Variants in BACH2 observed in about 807,000 individuals in gnomAD.
The protein encoded by BACH2 is BACH transcriptional regulator 2, also known as transcription regulator protein BACH2.
BACH2 carries 5 observed loss-of-function variants against 61.8 expected under a neutral mutation model. That is an observed-to-expected ratio of 0.08 (90% confidence interval 0.04 to 0.17). BACH2 has a LOEUF of 0.17. Among genes scored for constraint, BACH2 ranks in the 10% least tolerant of loss-of-function variants. The pLI, the probability that BACH2 is intolerant of heterozygous loss-of-function variation, is 1.00. For missense variants in BACH2, 824 were observed against 1,091.1 expected (o/e 0.76, Z 3.45); for synonymous variants, 446 against 440.1 (o/e 1.01, Z -0.17).
At chr6:90,282,503 G>T (rs1771888737) in intron 1 of BACH2, among the ~76,000 whole-genome samples, 1 of 152,052 alleles carries the variant, frequency 6.6e-6, no homozygotes, top group Non-Finnish European at 1.5e-5. Context: ...TTTTATGGCT[G>T]CATAGTATTC....
intron 3 of BACH2, among the ~76,000 whole-genome samples, chr6:90,230,835 C>G (rs1337523481): frequency 1.3e-5 from 2 of 152,160 alleles, no homozygotes; most frequent in African/African-American, 2.4e-5. Context: ...CTCAAGATCA[C>G]AGTGTGAGTG....
At chr6:89,942,297 T>C (rs1773481635) in intron 7 of BACH2, among the ~76,000 whole-genome samples, 1 of 152,166 alleles carries the variant, frequency 6.6e-6, no homozygotes, top group Non-Finnish European at 1.5e-5. Context: ...CACTGACTGT[T>C]TGGTCCCGTG....
chr6:90,036,261 T>C (rs963089577), intron 5 of BACH2, among the ~76,000 whole-genome samples: 1 of 151,598 alleles, frequency 6.6e-6, no homozygotes, highest in Admixed American at 6.6e-5. Flanking sequence ...ACCTACTTCC[T>C]TTTATTCCCA....
At chr6:90,028,760 G>A (rs1030116796) in intron 5 of BACH2, among the ~76,000 whole-genome samples, 1 of 151,960 alleles carries the variant, frequency 6.6e-6, no homozygotes, top group African/African-American at 2.4e-5. Context: ...AGTGGTTGTG[G>A]ATGGAGGCTC....
chr6:90,097,647 C>T (rs535850663), intron 4 of BACH2, among the ~76,000 whole-genome samples: 24 of 152,320 alleles, frequency 1.6e-4, no homozygotes, highest in Admixed American at 2.6e-4. Context: ...AGCCGATATA[C>T]TTTTTAAAAA....
At chr6:90,158,611 T>C (rs1473665923) in intron 4 of BACH2, among the ~76,000 whole-genome samples, 1 of 151,870 alleles carries the variant, frequency 6.6e-6, no homozygotes, top group Non-Finnish European at 1.5e-5. Flanking sequence ...CTTCATGATG[T>C]GTAGTAAGTA....
intron 5 of BACH2, among the ~76,000 whole-genome samples, chr6:90,045,583 A>T (rs1309017841): frequency 6.6e-6 from 1 of 152,208 alleles, no homozygotes; most frequent in East Asian, 1.9e-4. Context: ...GTCCGAGATA[A>T]GTTGCATTGA....
chr6:90,069,429 C>G (rs770213493), intron 5 of BACH2, among the ~76,000 whole-genome samples: 3 of 152,128 alleles, frequency 2.0e-5, no homozygotes, highest in African/African-American at 4.8e-5. Context: ...TTTAAAGGCA[C>G]GTATTTAGCA....
intron 4 of BACH2, among the ~76,000 whole-genome samples, chr6:90,151,797 ACTTGAGTCAT>A (rs1006447178): frequency 1.3e-5 from 2 of 152,220 alleles, no homozygotes; most frequent in African/African-American, 4.8e-5. Context: ...TTAAACAAAT[ACTTGAGTCAT>A]CTTGTATTTC....
intron 4 of BACH2, among the ~76,000 whole-genome samples, chr6:90,165,711 T>C (rs1193725827): frequency 2.0e-5 from 3 of 152,200 alleles, no homozygotes; most frequent in African/African-American, 7.2e-5. Context: ...AAGACAGACA[T>C]ATAGACCAAT....
intron 4 of BACH2, among the ~76,000 whole-genome samples, chr6:90,178,487 C>A (rs1358812852): frequency 1.3e-5 from 2 of 152,168 alleles, no homozygotes; most frequent in East Asian, 1.9e-4. Context: ...AGTGCGTAAA[C>A]GCTAACTGTA....
chr6:90,109,208 G>C (rs1395522769), intron 4 of BACH2, among the ~76,000 whole-genome samples: 1 of 152,042 alleles, frequency 6.6e-6, no homozygotes, highest in East Asian at 1.9e-4. Flanking sequence ...ATGAAGGTTA[G>C]TGATGATCTC....
At chr6:90,281,536 A>T (rs1226195185) in intron 1 of BACH2, among the ~76,000 whole-genome samples, 1 of 152,114 alleles carries the variant, frequency 6.6e-6, no homozygotes, top group Non-Finnish European at 1.5e-5. Flanking sequence ...GGTAGCTGTT[A>T]TACTGCTTTT....
intron 4 of BACH2, among the ~76,000 whole-genome samples, chr6:90,144,866 T>C (rs1384489463): frequency 1.3e-5 from 2 of 152,212 alleles, no homozygotes; most frequent in Non-Finnish European, 2.9e-5. Context: ...TCCGTGATTG[T>C]AAAACACTTC....
chr6:90,268,118 C>T (rs948839696), intron 2 of BACH2, among the ~76,000 whole-genome samples: 3 of 151,164 alleles, frequency 2.0e-5, no homozygotes, highest in Non-Finnish European at 4.4e-5. Context: ...AGGCAATTCT[C>T]ATGCCTCAGC....
chr6:90,243,111 C>T (rs1018520397), intron 3 of BACH2, among the ~76,000 whole-genome samples: 3 of 121,432 alleles, frequency 2.5e-5, no homozygotes, highest in African/African-American at 6.3e-5. Context: ...TCAGGCTGGT[C>T]TTGAACTCCC....
intron 4 of BACH2, among the ~76,000 whole-genome samples, chr6:90,158,401 C>T (rs1785065986): frequency 6.6e-6 from 1 of 152,070 alleles, no homozygotes; most frequent in African/African-American, 2.4e-5. Flanking sequence ...ATTTCACTTA[C>T]ACTATCTCAT....
At chr6:90,005,630 C>T (rs1482884118) in intron 6 of BACH2, among the ~76,000 whole-genome samples, 5 of 152,152 alleles carry the variant, frequency 3.3e-5, no homozygotes, top group African/African-American at 1.2e-4. Flanking sequence ...CACGTGGGTC[C>T]ACAGGCAGGT....
At chr6:89,957,766 C>A (rs1327607555) in intron 6 of BACH2, among the ~76,000 whole-genome samples, 1 of 152,278 alleles carries the variant, frequency 6.6e-6, no homozygotes, top group East Asian at 1.9e-4. Context: ...TCTCAAACTC[C>A]TGGACTCAAG....
Sources: allele counts gnomAD v4.1 joint callset (sites outside exome capture counted in the v4.1 genomes callset), GRCh38; gene constraint gnomAD v4.1.1; transcripts MANE v1.5; gene names NCBI Gene and HGNC (gene_info 2026-07-23, HGNC 2026-07-21).